Variants in C1QTNF3 observed in about 807,000 individuals in gnomAD.
C1QTNF3 encodes the protein complement C1q tumor necrosis factor-related protein 3.
A neutral mutation model predicts 32.6 loss-of-function variants in C1QTNF3; 26 were observed. That is an observed-to-expected ratio of 0.80 (90% confidence interval 0.58 to 1.11). The LOEUF is 1.11. Ranked by LOEUF, C1QTNF3 falls within the 50% of genes least tolerant of loss-of-function variation. The pLI, the probability that C1QTNF3 is intolerant of heterozygous loss-of-function variation, is 0.00. For missense variants in C1QTNF3, 362 were observed against 398.2 expected, an observed-to-expected ratio of 0.91 and a Z score of 0.77; for synonymous variants, 155 against 146.0, an observed-to-expected ratio of 1.06 and a Z score of -0.44.
At chr5:34,030,367 G>T (rs1196281722) in intron 3 of C1QTNF3, among the ~76,000 whole-genome samples, 1 of 152,192 alleles carries the variant, frequency 6.6e-6, no homozygotes, top group African/African-American at 2.4e-5. Flanking sequence ...CTATGAGTTT[G>T]GGAATAAGGC....
At chr5:34,021,890 C>T (rs761111011) in intron 5 of C1QTNF3, among the ~76,000 whole-genome samples, 31 of 152,270 alleles carry the variant, frequency 2.0e-4, no homozygotes, top group Middle Eastern at 6.8e-3. Context: ...GTGTAACAAA[C>T]CTGCACATTC....
At chr5:34,208,897 T>C in the C1QTNF3 span, among the ~76,000 whole-genome samples, 1 of 152,152 alleles carries the variant, frequency 6.6e-6, no homozygotes, top group Non-Finnish European at 1.5e-5. Flanking sequence ...AGTTTTTGTT[T>C]TATTTTCAAC....
chr5:34,235,218 A>G, the C1QTNF3 span, among the ~76,000 whole-genome samples: 1 of 152,028 alleles, frequency 6.6e-6, no homozygotes, highest in Non-Finnish European at 1.5e-5. Flanking sequence ...AGCTTTTTCA[A>G]CCTAATCAGA....
the C1QTNF3 span, among the ~76,000 whole-genome samples, chr5:34,061,464 T>C: frequency 6.6e-6 from 1 of 152,334 alleles, no homozygotes; most frequent in East Asian, 1.9e-4. Flanking sequence ...CCTTCCACAC[T>C]GTCCAAGCAG....
the C1QTNF3 span, among the ~76,000 whole-genome samples, chr5:34,112,655 C>T: frequency 2.0e-5 from 3 of 152,090 alleles, no homozygotes; most frequent in Non-Finnish European, 2.9e-5. Context: ...AGCAGCAAAT[C>T]GAGACCCTGT....
the C1QTNF3 span, among the ~76,000 whole-genome samples, chr5:34,180,519 A>G: frequency 2.0e-5 from 3 of 152,138 alleles, no homozygotes; most frequent in Non-Finnish European, 2.9e-5. Context: ...CCTGACTCTG[A>G]AAAACAAACA....
At chr5:34,127,000 GCT>G in the C1QTNF3 span, among the ~76,000 whole-genome samples, 2 of 152,148 alleles carry the variant, frequency 1.3e-5, no homozygotes, top group African/African-American at 4.8e-5. Flanking sequence ...CCCGTTTTGT[GCT>G]CTCTCCTGTC....
Position 34,042,882 on chromosome 5 carries a change from C to G in C1QTNF3, c.244G>C (p.Asp82His). 6.2e-7 allele frequency: 1 copy of G among 1,614,154 alleles called. No homozygotes were observed. The highest frequency in any genetic ancestry group is 8.5e-7 in the Non-Finnish European group (1 of 1,180,032). The change falls in exon 1 of 6, where the codon GAT (aspartate) becomes CAT (histidine). Residue 82 changes from aspartate (D) to histidine (H), a missense_variant. Coordinates refer to ENST00000382065, the MANE Select transcript of C1QTNF3 (RefSeq NM_181435.6). ...TCTACCTCGGGGTGCGGTAGCTCAT[C>G]TGGTCTCAGGGATTTTAGGTCTGTA... ...TSTDLKSLRPDELPHPEVDDL... is the reference protein window; with the variant it reads ...TSTDLKSLRPHELPHPEVDDL...
chr5:34,135,215 A>G, the C1QTNF3 span, among the ~76,000 whole-genome samples: 1 of 152,110 alleles, frequency 6.6e-6, no homozygotes, highest in African/African-American at 2.4e-5. Flanking sequence ...GTGATGGATT[A>G]TGTTTATTGA....
intron 4 of C1QTNF3, among the ~76,000 whole-genome samples, chr5:34,028,027 C>T (rs1444797553): frequency 6.6e-6 from 1 of 152,014 alleles, no homozygotes; most frequent in African/African-American, 2.4e-5. Context: ...GGCTGGAGTG[C>T]AGTCGCGCGA....
chr5:34,124,485 C>A, the C1QTNF3 span: 11,882 of 715,306 alleles, frequency 0.017, 199 homozygotes, highest in South Asian at 0.03. Context: ...AGGCCCGTCA[C>A]GATGAGACCA....
At chr5:34,057,901 G>A in the C1QTNF3 span, among the ~76,000 whole-genome samples, 7 of 152,318 alleles carry the variant, frequency 4.6e-5, no homozygotes, top group Admixed American at 2.6e-4. Context: ...AAACATGCCA[G>A]TGTTCGTGCC....
At chr5:34,164,891 G>A in the C1QTNF3 span, 3 of 151,344 alleles carry the variant, frequency 2.0e-5, no homozygotes, top group African/African-American at 7.3e-5. Context: ...GTTCCTCCAG[G>A]TACTCACTTC....
the C1QTNF3 span, among the ~76,000 whole-genome samples, chr5:34,092,825 T>C: frequency 2.6e-5 from 4 of 151,956 alleles, no homozygotes; most frequent in African/African-American, 9.7e-5. Context: ...TCTCTCTTGA[T>C]TTTCTCAGAA....
chr5:34,212,104 T>C, the C1QTNF3 span, among the ~76,000 whole-genome samples: 8 of 151,856 alleles, frequency 5.3e-5, no homozygotes, highest in African/African-American at 1.9e-4. Context: ...ACGCCACATA[T>C]CTACAACTAT....
At chr5:34,185,626 T>C in the C1QTNF3 span, among the ~76,000 whole-genome samples, 3 of 152,354 alleles carry the variant, frequency 2.0e-5, no homozygotes, top group Non-Finnish European at 2.9e-5. Context: ...TGGCATTAAA[T>C]AGACCACAAA....
intron 4 of C1QTNF3, among the ~76,000 whole-genome samples, chr5:34,026,717 A>G (rs933143237): frequency 1.3e-5 from 2 of 152,272 alleles, no homozygotes; most frequent in African/African-American, 2.4e-5. Flanking sequence ...CCAAGAAACT[A>G]GAGCATACGG....
At position 34,043,015 on chromosome 5, in the gene C1QTNF3, C is replaced by T. The variant is rs775933704; in HGVS notation, c.111G>A (p.Val37=). Residue 37 remains valine, a synonymous_variant, in exon 1 of 6, where the codon GTG becomes GTA. Coordinates refer to ENST00000382065, the MANE Select transcript of C1QTNF3 (RefSeq NM_181435.6). ...MEVSGRTNKV[V]ARIVQSHQQT... ...GCTGGTGGCTTTGCACTATTCTTGC[C>T]ACCACTTTATTAGTTCTTCCGCTCA... 4 of 1,614,176 alleles carry T rather than the reference C, an allele frequency of 2.5e-6. No individual in the cohort carries two copies. Among genetic ancestry groups the T allele is most frequent in the Non-Finnish European group, 3.4e-6 (4 of 1,180,030 alleles).
At chr5:34,198,052 G>C in the C1QTNF3 span, among the ~76,000 whole-genome samples, 1 of 136,424 alleles carries the variant, frequency 7.3e-6, no homozygotes, top group Non-Finnish European at 1.5e-5. Context: ...TGGCCAGTAT[G>C]GTGAAACCCC....
Sources: allele counts gnomAD v4.1 joint callset (sites outside exome capture counted in the v4.1 genomes callset), GRCh38; gene constraint gnomAD v4.1.1; transcripts MANE v1.5; gene names NCBI Gene and HGNC (gene_info 2026-07-23, HGNC 2026-07-21).